SDK1: variants seen among roughly 807,000 people sequenced by gnomAD.
The protein encoded by SDK1 is protein sidekick-1.
In SDK1, 157 loss-of-function variants were observed where a neutral mutation model predicts 245.5. The observed-to-expected ratio is 0.64, with a 90% CI of 0.56 to 0.73. The LOEUF is 0.73. Among genes scored for constraint, SDK1 ranks in the 30% least tolerant of loss-of-function variants. The probability of loss-of-function intolerance (pLI) is 0.00; values close to 1 mark genes in which losing one functional copy is unlikely to be tolerated. For missense variants in SDK1, 3,583 were observed against 3,002.3 expected, an observed-to-expected ratio of 1.19 and a Z score of -4.52; for synonymous variants, 1,647 against 1,278.5, an observed-to-expected ratio of 1.29 and a Z score of -6.15.
At chr7:3,647,950 C>T (rs1048029291) in intron 4 of SDK1, among the ~76,000 whole-genome samples, 4 of 152,062 alleles carry the variant, frequency 2.6e-5, no homozygotes, top group Non-Finnish European at 5.9e-5. Context: ...GAAAGACGAA[C>T]AGTATATTGA....
At chr7:3,426,849 C>T (rs529460123) in intron 1 of SDK1, among the ~76,000 whole-genome samples, 1 of 152,218 alleles carries the variant, frequency 6.6e-6, no homozygotes, top group Non-Finnish European at 1.5e-5. Context: ...CCCTGCCACT[C>T]TGCTTAAATC....
chr7:3,660,235 A>T (rs942090327), intron 4 of SDK1, among the ~76,000 whole-genome samples: 1 of 151,894 alleles, frequency 6.6e-6, no homozygotes, highest in Non-Finnish European at 1.5e-5. Flanking sequence ...GAAATAAGAC[A>T]CCCATGAAAA....
chr7:3,902,629 A>G (rs1357683805), intron 5 of SDK1, among the ~76,000 whole-genome samples: 5 of 152,192 alleles, frequency 3.3e-5, no homozygotes, highest in Non-Finnish European at 7.3e-5. Context: ...TCTTAATTGA[A>G]TAATATATTT....
At chr7:3,687,235 G>A (rs1401002437) in intron 4 of SDK1, among the ~76,000 whole-genome samples, 1 of 150,384 alleles carries the variant, frequency 6.6e-6, no homozygotes, top group East Asian at 2.0e-4. Flanking sequence ...GCAGTGGTGC[G>A]ATCTCAGCTC....
intron 5 of SDK1, among the ~76,000 whole-genome samples, chr7:3,923,221 G>A (rs552365419): frequency 6.6e-6 from 1 of 151,872 alleles, no homozygotes; most frequent in African/African-American, 2.4e-5. Flanking sequence ...TAAATGTTCT[G>A]TTTCATAAGG....
chr7:3,942,451 T>C (rs1780403147), intron 5 of SDK1, among the ~76,000 whole-genome samples: 1 of 152,220 alleles, frequency 6.6e-6, no homozygotes, highest in East Asian at 1.9e-4. Flanking sequence ...AAAGCATTTT[T>C]CTAACTGTTA....
At chr7:3,663,764 C>G (rs1562640495) in intron 4 of SDK1, among the ~76,000 whole-genome samples, 1 of 152,146 alleles carries the variant, frequency 6.6e-6, no homozygotes, top group East Asian at 1.9e-4. Flanking sequence ...GTCCCTACCA[C>G]TGTCAAAGTC....
At chr7:3,314,288 A>G (rs57456054) in intron 1 of SDK1, among the ~76,000 whole-genome samples, 2,966 of 152,326 alleles carry the variant, frequency 0.019, 100 homozygotes, top group African/African-American at 0.068. Context: ...CTAGATCAGA[A>G]CAGGATTCTT....
chr7:3,450,774 T>C (rs1291234651), intron 1 of SDK1, among the ~76,000 whole-genome samples: 1 of 151,854 alleles, frequency 6.6e-6, no homozygotes, highest in South Asian at 2.1e-4. Flanking sequence ...GTCATGGGAG[T>C]ATATGAAATT....
chr7:3,684,391 C>A (rs1412205249), intron 4 of SDK1, among the ~76,000 whole-genome samples: 1 of 152,212 alleles, frequency 6.6e-6, no homozygotes, highest in Non-Finnish European at 1.5e-5. Flanking sequence ...GCTCACCCCT[C>A]ACTGAGAAGC....
At chr7:3,445,108 C>G (rs1216745046) in intron 1 of SDK1, among the ~76,000 whole-genome samples, 1 of 151,902 alleles carries the variant, frequency 6.6e-6, no homozygotes, top group African/African-American at 2.4e-5. Flanking sequence ...TTATAAAATG[C>G]CTTACTCTGT....
intron 17 of SDK1, among the ~76,000 whole-genome samples, chr7:4,029,771 C>T (rs910111807): frequency 6.6e-6 from 1 of 152,174 alleles, no homozygotes; most frequent in African/African-American, 2.4e-5. Context: ...ATGGAGATGG[C>T]ATCCCTGTCA....
intron 5 of SDK1, among the ~76,000 whole-genome samples, chr7:3,825,298 T>G (rs1197667859): frequency 2.1e-5 from 3 of 140,736 alleles, no homozygotes; most frequent in Non-Finnish European, 3.0e-5. Context: ...AATTACTATG[T>G]GAATAAGAGT....
At chr7:3,856,665 C>T (rs972100430) in intron 5 of SDK1, among the ~76,000 whole-genome samples, 1 of 151,882 alleles carries the variant, frequency 6.6e-6, no homozygotes, top group East Asian at 1.9e-4. Flanking sequence ...GTGGCGGGCA[C>T]CTGTAATCCC....
intron 40 of SDK1, among the ~76,000 whole-genome samples, chr7:4,232,722 C>A (rs926154931): frequency 1.3e-5 from 2 of 151,854 alleles, no homozygotes; most frequent in Non-Finnish European, 1.5e-5. Flanking sequence ...CGCAGCCTCT[C>A]AAAGTACTGG....
intron 38 of SDK1, among the ~76,000 whole-genome samples, chr7:4,217,529 A>C (rs1784898095): frequency 7.2e-6 from 1 of 139,494 alleles, no homozygotes; most frequent in African/African-American, 2.7e-5. Flanking sequence ...CCGGAGCACC[A>C]CACCACCCGG....
At chr7:3,801,535 C>G (rs1281090154) in intron 4 of SDK1, among the ~76,000 whole-genome samples, 2 of 152,196 alleles carry the variant, frequency 1.3e-5, no homozygotes, top group African/African-American at 4.8e-5. Flanking sequence ...CTATCGTCCT[C>G]TCTCCTTAGC....
At position 4,014,917 on chromosome 7, in the gene SDK1, C is replaced by T. The variant is rs1380897294; in HGVS notation, c.2421-2254C>T. Reference sequence around the variant, plus strand: ...AACGTGACTGTTCCGGAGGGGAGCGCAGGCTCTTTGGAAGATGTAAATTCT... The same window carrying T: ...AACGTGACTGTTCCGGAGGGGAGCGTAGGCTCTTTGGAAGATGTAAATTCT... On this transcript the variant is annotated intron_variant, in intron 16 of 44. Transcript: ENST00000404826. Among the ~76,000 whole-genome samples, 3 of 152,158 alleles carry T rather than the reference C, an allele frequency of 2.0e-5. No individual in the cohort carries two copies. In the East Asian group the frequency reaches 5.8e-4, roughly 29 times the overall value.
chr7:4,268,084 C>G lies in SDK1; in HGVS notation c.*2700C>G. The G allele has an allele frequency of 1.0e-6, 1 of 985,498 alleles. No individual in the cohort carries two copies. The highest frequency in any genetic ancestry group is 1.2e-6 in the Non-Finnish European group (1 of 829,968). The allele number at this position is 985,498 out of a possible 1,614,324, so 61.0% of individuals were successfully genotyped here. On this transcript the variant is annotated 3_prime_UTR_variant, in exon 45 of 45. Coordinates refer to ENST00000404826, the MANE Select transcript of SDK1 (RefSeq NM_152744.4). Reference sequence around the variant, plus strand: ...GAGGACAAACAAAATGTCTCTAAGCCAGGCTAGATGGAATGTGCTCCCGCT... The same window carrying G: ...GAGGACAAACAAAATGTCTCTAAGCGAGGCTAGATGGAATGTGCTCCCGCT...
Sources: gnomAD v4.1 joint callset for allele counts (sites outside exome capture counted in the v4.1 genomes callset) on GRCh38, gnomAD v4.1.1 for gene constraint, MANE v1.5 for transcripts, NCBI Gene and HGNC (gene_info 2026-07-23, HGNC 2026-07-21) for gene names.